Variants in OPCML observed in about 807,000 individuals in gnomAD.
OPCML encodes the protein opioid-binding protein/cell adhesion molecule.
In OPCML, 13 loss-of-function variants were observed where a neutral mutation model predicts 37.8. The ratio of observed to expected loss-of-function variants is 0.34; its 90% CI spans 0.22 to 0.55. The LOEUF is 0.55. Ranked by LOEUF, OPCML falls within the 20% of genes least tolerant of loss-of-function variation. The pLI is 0.91. For missense variants in OPCML, 341 were observed against 435.6 expected (o/e 0.78, Z 1.93); for synonymous variants, 176 against 168.8 (o/e 1.04, Z -0.33).
rs1308980369 is a variant in OPCML, at chr11:132,416,661, AG to A, written c.*3531del. ...TCATCTAGTAAGAGGCATGGATGTAAGAAGAAAGAGACTGGGGCCTCTTTGT... is the reference window on the plus strand; with the variant it reads ...TCATCTAGTAAGAGGCATGGATGTAAAAGAAAGAGACTGGGGCCTCTTTGT... On this transcript the variant is annotated 3_prime_UTR_variant, in exon 8 of 8. Transcript: ENST00000524381. 1 of 152,264 alleles carries A rather than the reference AG, an allele frequency of 6.6e-6. No individual in the cohort carries two copies. Among genetic ancestry groups the A allele is most frequent in the East Asian group, 1.9e-4 (1 of 5,158 alleles). The allele number at this position is 152,264 out of a possible 1,614,324, so 9.4% of individuals were successfully genotyped here. A position where few individuals can be genotyped will look rare whatever the true frequency, so the allele number is the denominator to read the frequency against.
chr11:133,457,115 A>C (rs1946687823), intron 1 of OPCML, among the ~76,000 whole-genome samples: 1 of 152,208 alleles, frequency 6.6e-6, no homozygotes, highest in South Asian at 2.1e-4. Flanking sequence ...AGCAAAAGGA[A>C]AGTGACGTGT....
At chr11:132,483,862 A>C (rs910507457) in intron 4 of OPCML, among the ~76,000 whole-genome samples, 12 of 151,964 alleles carry the variant, frequency 7.9e-5, no homozygotes, top group Non-Finnish European at 1.6e-4. Context: ...CTGGCTAGCC[A>C]TATGTAGAAA....
At chr11:133,065,502 A>G (rs1364073976) in intron 1 of OPCML, 1 of 152,226 alleles carries the variant, frequency 6.6e-6, no homozygotes. Context: ...TTGTTACACG[A>G]TATTGCCCGT....
chr11:132,462,798 C>A (rs899094989), intron 4 of OPCML, among the ~76,000 whole-genome samples: 2 of 152,104 alleles, frequency 1.3e-5, no homozygotes, highest in Admixed American at 6.5e-5. Context: ...TGGCTGGTAA[C>A]CGTGCCTGGA....
rs181551146 is a variant in OPCML, at chr11:133,061,767, G to C, written c.62-118757C>G. 1.1e-3 allele frequency among the ~76,000 whole-genome samples: 173 copies of C among 152,310 alleles called. 1 individual carries two copies. Among genetic ancestry groups the C allele is most frequent in the African/African-American group, 4.1e-3 (169 of 41,564 alleles). ...ATTTATTTTAATGTGCTATGCAAAAGGGATCTTCTCATCTCTTCTTTCAAA... is the reference window on the plus strand; with the variant it reads ...ATTTATTTTAATGTGCTATGCAAAACGGATCTTCTCATCTCTTCTTTCAAA... On this transcript the variant is annotated intron_variant, in intron 1 of 7. Coordinates refer to ENST00000524381, the MANE Select transcript of OPCML (RefSeq NM_001012393.5).
chr11:133,332,243 G>T (rs1943635442), intron 1 of OPCML, among the ~76,000 whole-genome samples: 1 of 152,134 alleles, frequency 6.6e-6, no homozygotes, highest in South Asian at 2.1e-4. Context: ...GTTGTTGGTG[G>T]TGTACAGGAA....
intron 4 of OPCML, among the ~76,000 whole-genome samples, chr11:132,450,707 T>C (rs2096066334): frequency 6.6e-6 from 1 of 152,172 alleles, no homozygotes. Flanking sequence ...TATAAATGCA[T>C]GGCAGTAAAG....
At position 133,236,044 on chromosome 11, in the gene OPCML, A is replaced by G. The variant is rs554720434; in HGVS notation, c.62-293034T>C. On this transcript the variant is annotated intron_variant, in intron 1 of 7. Transcript: ENST00000524381. ...TCTCCTATACATACATCCCTGTGAT[A>G]ACGTTTAATTTTTGGATTCGGCACA... Among the ~76,000 whole-genome samples, 3 of 152,346 alleles carry G rather than the reference A, an allele frequency of 2.0e-5. No individual in the cohort carries two copies. The East Asian group carries it at 5.8e-4, about 29-fold the overall frequency.
At chr11:132,984,793 A>C (rs1053002013) in intron 1 of OPCML, among the ~76,000 whole-genome samples, 3 of 152,328 alleles carry the variant, frequency 2.0e-5, no homozygotes, top group Non-Finnish European at 4.4e-5. Flanking sequence ...AAGAATCCTG[A>C]GAACTTTCAG....
At chr11:132,479,496 G>C (rs1420629190) in intron 4 of OPCML, among the ~76,000 whole-genome samples, 1 of 152,228 alleles carries the variant, frequency 6.6e-6, no homozygotes, top group Non-Finnish European at 1.5e-5. Context: ...AAAGCAGCCA[G>C]AAAGCTCGAA....
At chr11:132,659,726 G>A (rs1324458368) in intron 2 of OPCML, among the ~76,000 whole-genome samples, 2 of 152,174 alleles carry the variant, frequency 1.3e-5, no homozygotes, top group East Asian at 3.9e-4. Context: ...GTGTGTGTGT[G>A]TGTGTATTTG....
intron 1 of OPCML, among the ~76,000 whole-genome samples, chr11:133,288,361 G>A (rs1343006589): frequency 6.6e-6 from 1 of 152,162 alleles, no homozygotes; most frequent in Non-Finnish European, 1.5e-5. Flanking sequence ...CCATGGTCAA[G>A]TTGCCTACCT....
chr11:133,393,042 CTTTT>C (rs55728368), intron 1 of OPCML, among the ~76,000 whole-genome samples: 2 of 146,364 alleles, frequency 1.4e-5, no homozygotes, highest in African/African-American at 2.5e-5. Context: ...TGTTTAGTGA[CTTTT>C]TTTTTTTTGC....
chr11:132,581,400 C>A (rs1281054135), intron 3 of OPCML, among the ~76,000 whole-genome samples: 2 of 152,202 alleles, frequency 1.3e-5, no homozygotes, highest in African/African-American at 2.4e-5. Context: ...GTCAGGCTAA[C>A]TGCTCTCCTA....
chr11:133,049,072 C>T (rs180950729), intron 1 of OPCML, among the ~76,000 whole-genome samples: 1 of 152,302 alleles, frequency 6.6e-6, no homozygotes, highest in Non-Finnish European at 1.5e-5. Context: ...ACTATGGATA[C>T]AGCAGGAAAT....
intron 3 of OPCML, 152 bp downstream of exon 3, chr11:132,656,935 A>G: frequency 7.2e-7 from 1 of 1,386,552 alleles, no homozygotes; most frequent in Non-Finnish European, 9.6e-7. Flanking sequence ...TACCCATTCG[A>G]TGGGAAACAT....
chr11:132,438,259 A>G (rs2136753133), intron 4 of OPCML, among the ~76,000 whole-genome samples: 1 of 152,286 alleles, frequency 6.6e-6, no homozygotes, highest in East Asian at 1.9e-4. Context: ...TCCATCACAA[A>G]TGTTCTGAGT....
chr11:132,862,009 C>A (rs1565918200), intron 2 of OPCML, among the ~76,000 whole-genome samples: 1 of 151,980 alleles, frequency 6.6e-6, no homozygotes, highest in African/African-American at 2.4e-5. Context: ...TGAATATTCT[C>A]TTAACTTGAA....
chr11:132,655,601 G>A (rs889846504), intron 3 of OPCML, among the ~76,000 whole-genome samples: 13 of 152,234 alleles, frequency 8.5e-5, no homozygotes, highest in Non-Finnish European at 1.9e-4. Flanking sequence ...ACGCGAGGAG[G>A]GGAGCAGGGC....
Sources: gnomAD v4.1 joint callset for allele counts (sites outside exome capture counted in the v4.1 genomes callset) on GRCh38, gnomAD v4.1.1 for gene constraint, MANE v1.5 for transcripts, NCBI Gene and HGNC (gene_info 2026-07-23, HGNC 2026-07-21) for gene names.